KCNH5: variants seen among roughly 807,000 people sequenced by gnomAD.
The protein encoded by KCNH5 is voltage-gated delayed rectifier potassium channel KCNH5.
A neutral mutation model predicts 96.1 loss-of-function variants in KCNH5; 46 were observed. The ratio of observed to expected loss-of-function variants is 0.48; its 90% CI spans 0.38 to 0.61. KCNH5 has a LOEUF of 0.61. Ranked by LOEUF, KCNH5 falls within the 20% of genes least tolerant of loss-of-function variation. The probability of loss-of-function intolerance (pLI) is 0.00; values close to 1 mark genes in which losing one functional copy is unlikely to be tolerated. For missense variants in KCNH5, 907 were observed against 1,225.8 expected, an observed-to-expected ratio of 0.74 and a Z score of 3.88; for synonymous variants, 439 against 449.8, an observed-to-expected ratio of 0.98 and a Z score of 0.30.
chr14:62,712,787 G>A (rs1399679831), intron 10 of KCNH5: 1 of 736,732 alleles, frequency 1.4e-6, no homozygotes, highest in Non-Finnish European at 2.5e-6. Flanking sequence ...GACCTTGAAA[G>A]AGCTTTGTGC....
intron 10 of KCNH5, among the ~76,000 whole-genome samples, chr14:62,753,535 T>C (rs1267843336): frequency 6.6e-6 from 1 of 152,036 alleles, no homozygotes; most frequent in Non-Finnish European, 1.5e-5. Context: ...ACTACCTCAA[T>C]GCATTTAATA....
At chr14:62,934,910 T>G (rs1889649973) in intron 7 of KCNH5, among the ~76,000 whole-genome samples, 1 of 152,038 alleles carries the variant, frequency 6.6e-6, no homozygotes, top group Non-Finnish European at 1.5e-5. Flanking sequence ...TAAAAGGAAC[T>G]ATAGGAGGTA....
chr14:62,788,068 A>C (rs1016370383), intron 9 of KCNH5, among the ~76,000 whole-genome samples: 1 of 152,204 alleles, frequency 6.6e-6, no homozygotes, highest in Non-Finnish European at 1.5e-5. Flanking sequence ...ATAGATACTG[A>C]TCCATCTAAA....
At chr14:63,030,951 T>C (rs1891613816) in intron 1 of KCNH5, among the ~76,000 whole-genome samples, 1 of 152,170 alleles carries the variant, frequency 6.6e-6, no homozygotes, top group Non-Finnish European at 1.5e-5. Flanking sequence ...GGGAGTTTAT[T>C]GGCAATGCAG....
intron 8 of KCNH5, among the ~76,000 whole-genome samples, chr14:62,839,369 T>C (rs1386793810): frequency 6.6e-6 from 1 of 152,172 alleles, no homozygotes; most frequent in East Asian, 1.9e-4. Flanking sequence ...CATTTATTTA[T>C]CCTTGAGAGA....
At chr14:62,746,762 C>T (rs769014732) in intron 10 of KCNH5, among the ~76,000 whole-genome samples, 1 of 152,252 alleles carries the variant, frequency 6.6e-6, no homozygotes, top group Admixed American at 6.5e-5. Flanking sequence ...TTTTCTTGAA[C>T]GGAATATTAT....
rs116974914 is a variant in KCNH5 at position 62,962,380 on chromosome 14, G to A, written c.943-11821C>T. Among the ~76,000 whole-genome samples the A allele has an allele frequency of 3.1e-3, 478 of 152,216 alleles. 7 individuals are homozygous for A. Among genetic ancestry groups the A allele is most frequent in the East Asian group, 0.023 (118 of 5,188 alleles). On this transcript the variant is annotated intron_variant, in intron 6 of 10. Transcript: ENST00000322893. ...CATTCACTATCTCTGATGCAATAGC[G>A]TTCATCAAAACTGCAATGGATTAAT...
chr14:62,784,884 T>C (rs1228008684), intron 9 of KCNH5, among the ~76,000 whole-genome samples: 2 of 152,162 alleles, frequency 1.3e-5, no homozygotes, highest in East Asian at 1.9e-4. Context: ...GTCTATGATA[T>C]AGTAAGAATA....
intron 8 of KCNH5, among the ~76,000 whole-genome samples, chr14:62,815,811 T>C (rs61994856): frequency 1.6e-4 from 24 of 152,044 alleles, no homozygotes; most frequent in Non-Finnish European, 2.4e-4. Context: ...AGTCTTCCAA[T>C]AGAGAGAGCA....
At chr14:62,914,984 C>G (rs1469441133) in intron 7 of KCNH5, among the ~76,000 whole-genome samples, 1 of 152,204 alleles carries the variant, frequency 6.6e-6, no homozygotes, top group Admixed American at 6.5e-5. Flanking sequence ...TTTTAGTCAC[C>G]TTGTATTTCC....
intron 10 of KCNH5, among the ~76,000 whole-genome samples, chr14:62,777,303 G>A (rs1489529582): frequency 1.3e-5 from 2 of 152,148 alleles, no homozygotes; most frequent in African/African-American, 4.8e-5. Flanking sequence ...TCAAATGCAG[G>A]CCCTGACTCC....
At position 62,770,942 on chromosome 14, in the gene KCNH5, A is replaced by C. The variant is rs115994288; in HGVS notation, c.2019+8786T>G. 2.5e-3 allele frequency among the ~76,000 whole-genome samples: 387 copies of C among 152,332 alleles called. 2 individuals carry two copies. Among genetic ancestry groups the C allele is most frequent in the African/African-American group, 8.7e-3 (362 of 41,580 alleles). On this transcript the variant is annotated intron_variant, in intron 10 of 10. Coordinates refer to ENST00000322893, the MANE Select transcript of KCNH5 (RefSeq NM_139318.5). ...TCTAGTATGGCTGTATTTGGAGACA[A>C]GGCTTCTGAGAAAGTAATCAAGGTT... is the stretch of plus-strand genomic sequence containing the variant.
At chr14:62,912,070 T>C (rs952173580) in intron 7 of KCNH5, among the ~76,000 whole-genome samples, 4 of 150,620 alleles carry the variant, frequency 2.7e-5, no homozygotes, top group Admixed American at 2.6e-4. Flanking sequence ...TAAAGTGTTT[T>C]AGACATACCT....
In KCNH5 at chr14:62,779,868, A is replaced by G; in HGVS notation, c.1879T>C (p.Cys627Arg). ...TACGTCAGTGCCCGGACGTTCGCAC[A>G]TGCATGGGCAAGGGTGGTTTCCTTC... ...FWKETTLAHA[C>R]ANVRALTYCD... is the part of the protein sequence containing the mutation. Residue 627 changes from cysteine to arginine, a missense_variant, in exon 10 of 11, where the codon TGT (cysteine) becomes CGT (arginine). Physicochemically the swap from Cys to Arg is radical, Grantham distance 180. Coordinates refer to ENST00000322893, the MANE Select transcript of KCNH5 (RefSeq NM_139318.5). 2 of 1,613,944 alleles carry G rather than the reference A, an allele frequency of 1.2e-6. No homozygotes were observed. The highest frequency in any genetic ancestry group is 1.1e-5 in the South Asian group (1 of 91,056).
chr14:62,965,912 T>G (rs1481939388), intron 6 of KCNH5, among the ~76,000 whole-genome samples: 1 of 152,128 alleles, frequency 6.6e-6, no homozygotes, highest in Non-Finnish European at 1.5e-5. Flanking sequence ...ATTCTAAAAT[T>G]CCAGTAGCAT....
intron 1 of KCNH5, among the ~76,000 whole-genome samples, chr14:63,021,623 T>A (rs1891428765): frequency 6.6e-6 from 1 of 152,104 alleles, no homozygotes; most frequent in Non-Finnish European, 1.5e-5. Context: ...AGTTGTCTAT[T>A]CTCACTGACT....
intron 10 of KCNH5, among the ~76,000 whole-genome samples, chr14:62,773,960 AT>A (rs1308714426): frequency 4.6e-5 from 7 of 152,176 alleles, no homozygotes; most frequent in African/African-American, 1.7e-4. Context: ...GAGGATACAG[AT>A]TTCCTACCAA....
chr14:63,020,114 C>G (rs1016471354), intron 1 of KCNH5, among the ~76,000 whole-genome samples: 1 of 152,050 alleles, frequency 6.6e-6, no homozygotes, highest in Non-Finnish European at 1.5e-5. Flanking sequence ...GAACTGAAAG[C>G]ACAACGATAT....
chr14:62,727,925 T>C (rs1440573714), intron 10 of KCNH5, among the ~76,000 whole-genome samples: 1 of 150,768 alleles, frequency 6.6e-6, no homozygotes, highest in African/African-American at 2.4e-5. Flanking sequence ...TTGACCATGA[T>C]TTTCCATTCT....
Sources: gnomAD v4.1 joint callset for allele counts (sites outside exome capture counted in the v4.1 genomes callset) on GRCh38, gnomAD v4.1.1 for gene constraint, MANE v1.5 for transcripts, NCBI Gene and HGNC (gene_info 2026-07-23, HGNC 2026-07-21) for gene names.